Variants in FRMPD4 observed in about 807,000 individuals in gnomAD.
The protein encoded by FRMPD4 is FERM and PDZ domain containing 4.
In FRMPD4, 22 loss-of-function variants were observed where a neutral mutation model predicts 94.1. The observed-to-expected ratio is 0.23, with a 90% CI of 0.17 to 0.33. The LOEUF is 0.33. Among genes scored for constraint, FRMPD4 ranks in the 10% least tolerant of loss-of-function variants. The pLI, the probability that FRMPD4 is intolerant of heterozygous loss-of-function variation, is 1.00. For missense variants in FRMPD4, 1,111 were observed against 1,339.9 expected, an observed-to-expected ratio of 0.83 and a Z score of 2.67; for synonymous variants, 631 against 548.6, an observed-to-expected ratio of 1.15 and a Z score of -2.10.
chrX:12,417,113 C>T (rs1037190483), intron 1 of FRMPD4, among the ~76,000 whole-genome samples: 14 of 111,048 alleles, frequency 1.3e-4, no homozygotes, highest in East Asian at 2.8e-4. Context: ...TTTCTTCAGT[C>T]GATTCATTTA....
At chrX:12,162,820 A>G (rs2056046944) in intron 1 of FRMPD4, among the ~76,000 whole-genome samples, 1 of 111,337 alleles carries the variant, frequency 9.0e-6, no homozygotes, top group South Asian at 3.8e-4. Context: ...ATGGCCAAAC[A>G]TACACTCTGC....
At chrX:12,010,310 C>T (rs2054574594) in intron 3 of FRMPD4, among the ~76,000 whole-genome samples, 1 of 112,191 alleles carries the variant, frequency 8.9e-6, no homozygotes, top group Non-Finnish European at 1.9e-5. Flanking sequence ...TTGATATACA[C>T]AAGCAGATAT....
intron 1 of FRMPD4, among the ~76,000 whole-genome samples, chrX:12,376,457 T>G (rs951122121): frequency 2.7e-5 from 3 of 112,966 alleles, no homozygotes; most frequent in Non-Finnish European, 3.7e-5. Flanking sequence ...AGAAACTGAA[T>G]TTGTATACTT....
intron 1 of FRMPD4, among the ~76,000 whole-genome samples, chrX:12,232,142 G>A (rs757824740): frequency 3.7e-4 from 41 of 111,694 alleles, no homozygotes; most frequent in South Asian, 1.5e-3. Context: ...GGTCACATGG[G>A]AGTAGAAGGT....
intron 3 of FRMPD4, among the ~76,000 whole-genome samples, chrX:12,611,799 C>T (rs922392811): frequency 1.3e-4 from 14 of 110,612 alleles, no homozygotes; most frequent in African/African-American, 3.9e-4. Flanking sequence ...TATTTTAGTT[C>T]TCTGTGTAAG....
At chrX:12,711,435 G>T (rs1447343100) in intron 14 of FRMPD4, among the ~76,000 whole-genome samples, 4 of 111,929 alleles carry the variant, frequency 3.6e-5, no homozygotes, top group African/African-American at 1.3e-4. Context: ...AAATAATTCA[G>T]TTCACCTACT....
upstream of FRMPD4, among the ~76,000 whole-genome samples, chrX:12,136,200 A>T (rs2055594819): frequency 9.0e-6 from 1 of 111,052 alleles, no homozygotes; most frequent in Admixed American, 9.6e-5. Context: ...TCGTTCAACA[A>T]ATATTTCTTA....
Position 11,848,831 on chromosome X carries a change from A to G in FRMPD4, c.-160-16255A>G, listed in dbSNP as rs561380121. 8.9e-5 allele frequency among the ~76,000 whole-genome samples: 10 copies of G among 111,799 alleles called. No individual in the cohort carries two copies. The South Asian group carries it at 3.7e-3, about 41-fold the overall frequency. ...ACCATTTCAACTGACTATATTCAAT[A>G]TGTTCTATAGCTGACATCATACTCA... On this transcript the variant is annotated intron_variant, in intron 1 of 18. Transcript: ENST00000640291.
intron 1 of FRMPD4, among the ~76,000 whole-genome samples, chrX:12,384,725 C>T (rs2056374367): frequency 1.8e-5 from 2 of 111,500 alleles, no homozygotes; most frequent in Admixed American, 1.9e-4. Context: ...AAGAGTATTA[C>T]AGGAAAACAA....
chrX:12,017,711 C>T (rs1025509823), intron 3 of FRMPD4, among the ~76,000 whole-genome samples: 1 of 111,862 alleles, frequency 8.9e-6, no homozygotes, highest in Admixed American at 9.5e-5. Flanking sequence ...GTTGATAGTT[C>T]AAATTCAAAT....
At chrX:12,001,851 T>C (rs938124607) in intron 3 of FRMPD4, among the ~76,000 whole-genome samples, 1 of 112,238 alleles carries the variant, frequency 8.9e-6, no homozygotes, top group African/African-American at 3.2e-5. Context: ...CCAGAGATTA[T>C]TGGTTTTGAA....
intron 3 of FRMPD4, among the ~76,000 whole-genome samples, chrX:11,970,383 C>T (rs188983882): frequency 3.6e-5 from 4 of 111,948 alleles, no homozygotes; most frequent in East Asian, 2.8e-4. Context: ...ACCACATGTG[C>T]GCAAGCTTTT....
At chrX:12,528,888 C>T (rs950587434) in intron 2 of FRMPD4, among the ~76,000 whole-genome samples, 13 of 112,247 alleles carry the variant, frequency 1.2e-4, no homozygotes, top group African/African-American at 4.2e-4. Context: ...GACATTTAAC[C>T]TGGTATTCAA....
chrX:12,629,408 G>A (rs575977558), intron 4 of FRMPD4, among the ~76,000 whole-genome samples: 89 of 111,806 alleles, frequency 8.0e-4, no homozygotes, highest in South Asian at 3.4e-3. Context: ...AAAGACATAG[G>A]GGGGTAGAAG....
chrX:12,521,725 A>T (rs752815843), intron 2 of FRMPD4, among the ~76,000 whole-genome samples: 1 of 111,958 alleles, frequency 8.9e-6, no homozygotes, highest in Admixed American at 9.5e-5. Context: ...ACAGAGTTCT[A>T]TTATGTAAAT....
chrX:12,064,229 C>T (rs2054904741), intron 3 of FRMPD4, among the ~76,000 whole-genome samples: 1 of 112,498 alleles, frequency 8.9e-6, no homozygotes, highest in East Asian at 2.8e-4. Context: ...GTTCTAGGTA[C>T]TTTACATATG....
intron 2 of FRMPD4, among the ~76,000 whole-genome samples, chrX:12,499,709 T>C (rs1005132887): frequency 8.9e-6 from 1 of 112,688 alleles, no homozygotes; most frequent in African/African-American, 3.2e-5. Flanking sequence ...GTTTTTCCTT[T>C]TTTTATTTTT....
intron 3 of FRMPD4, among the ~76,000 whole-genome samples, chrX:11,997,923 T>C (rs970408639): frequency 8.1e-5 from 9 of 111,479 alleles, no homozygotes; most frequent in Non-Finnish European, 1.7e-4. Flanking sequence ...CTTAAAACCT[T>C]TACATGGCTC....
At chrX:12,005,057 C>T (rs1036146238) in intron 3 of FRMPD4, among the ~76,000 whole-genome samples, 6 of 111,978 alleles carry the variant, frequency 5.4e-5, no homozygotes, top group African/African-American at 1.6e-4. Flanking sequence ...TTTTAAATGC[C>T]TAAATAACAC....
Sources: allele counts gnomAD v4.1 joint callset (sites outside exome capture counted in the v4.1 genomes callset), GRCh38; gene constraint gnomAD v4.1.1; transcripts MANE v1.5; gene names NCBI Gene and HGNC (gene_info 2026-07-23, HGNC 2026-07-21).